The following ARFGEF3 variants were observed in gnomAD, a reference collection of about 807,000 sequenced individuals.
ARFGEF3 encodes brefeldin A-inhibited guanine nucleotide-exchange protein 3.
In ARFGEF3, 96 loss-of-function variants were observed where a neutral mutation model predicts 221.7. The ratio of observed to expected loss-of-function variants is 0.43; its 90% CI spans 0.37 to 0.51. ARFGEF3 has a LOEUF of 0.51. Ranked by LOEUF, ARFGEF3 falls within the 20% of genes least tolerant of loss-of-function variation. The probability of loss-of-function intolerance (pLI) is 0.00; values close to 1 mark genes in which losing one functional copy is unlikely to be tolerated. For synonymous variants in ARFGEF3, 1,145 were observed against 1,126.8 expected, an observed-to-expected ratio of 1.02 and a Z score of -0.32; for missense variants, 2,410 against 2,789.9, an observed-to-expected ratio of 0.86 and a Z score of 3.07.
chr6:138,256,968 A>G (rs1198815220), intron 10 of ARFGEF3, among the ~76,000 whole-genome samples: 2 of 151,952 alleles, frequency 1.3e-5, no homozygotes, highest in East Asian at 3.9e-4. Context: ...TATTTTTTGT[A>G]GAGACGTGTT....
In ARFGEF3 at chr6:138,335,088, GCGCAGGCCC is replaced by G; in HGVS notation, c.6245_6253del (p.Ala2082_Pro2084del). 6.2e-7 allele frequency: 1 copy of G among 1,600,876 alleles called. No homozygotes were observed. Among genetic ancestry groups the G allele is most frequent in the African/African-American group, 1.3e-5 (1 of 74,676 alleles). ...CAAGGGCAAATGCGGCATTCCTTCA[GCGCAGGCCC>G]CGAGCTGCTGCGACAGGACAAGAGG... is the stretch of plus-strand genomic sequence containing the variant. On this transcript the variant is annotated inframe_deletion, in exon 33 of 34. Transcript: ENST00000251691.
intron 12 of ARFGEF3, among the ~76,000 whole-genome samples, chr6:138,272,188 C>A (rs921458349): frequency 7.3e-5 from 9 of 123,590 alleles, no homozygotes; most frequent in African/African-American, 3.3e-4. Flanking sequence ...AAGAGTCTCG[C>A]TCTGTCACCC....
At position 138,299,198 on chromosome 6, in the gene ARFGEF3, T is replaced by TAA. The variant is rs60475752; in HGVS notation, c.3828+438_3828+439dup. Among the ~76,000 whole-genome samples the TAA allele has an allele frequency of 6.0e-3, 237 of 39,404 alleles. 23 individuals carry two copies. Among genetic ancestry groups the TAA allele is most frequent in the African/African-American group, 7.4e-3 (116 of 15,596 alleles). The allele number at this position is 39,404 out of a possible 152,430, so 25.9% of individuals were successfully genotyped here. On this transcript the variant is annotated intron_variant, in intron 22 of 33. Coordinates refer to ENST00000251691, the MANE Select transcript of ARFGEF3 (RefSeq NM_020340.5). ...GCCTGAGTGACAGAGCGAGACTCTG[T>TAA]AAAAAAAAAAAAAAAAAAAAAAAAA...
chr6:138,337,181 T>G lies in ARFGEF3; in HGVS notation c.*695T>G, dbSNP rs1420828441. On this transcript the variant is annotated 3_prime_UTR_variant, in exon 34 of 34. Transcript: ENST00000251691. Reference sequence around the variant, plus strand: ...AAGAAAGTTCTTTCCTAGCAGGGTTTGAAGTCTGTGGCTTATCAGCCTGTG... The same window carrying G: ...AAGAAAGTTCTTTCCTAGCAGGGTTGGAAGTCTGTGGCTTATCAGCCTGTG... The G allele has an allele frequency of 6.5e-6, 1 of 152,698 alleles. No individual in the cohort carries two copies. Among genetic ancestry groups the G allele is most frequent in the Admixed American group, 6.5e-5 (1 of 15,282 alleles). 9.5% of individuals were successfully genotyped at this position (152,698 alleles called of 1,614,324 possible).
At chr6:138,187,600 C>T (rs368577444) in intron 2 of ARFGEF3, among the ~76,000 whole-genome samples, 1 of 152,194 alleles carries the variant, frequency 6.6e-6, no homozygotes, top group Non-Finnish European at 1.5e-5. Flanking sequence ...AGAATGCCAC[C>T]TGGTATGGCC....
intron 2 of ARFGEF3, among the ~76,000 whole-genome samples, chr6:138,198,631 C>T (rs1030551239): frequency 6.6e-5 from 10 of 152,182 alleles, no homozygotes; most frequent in African/African-American, 2.2e-4. Flanking sequence ...AATTAGGAAA[C>T]GGCATGACTA....
chr6:138,246,548 CTTAAAAG>C (rs542850459), intron 8 of ARFGEF3, among the ~76,000 whole-genome samples: 107 of 152,326 alleles, frequency 7.0e-4, no homozygotes, highest in Non-Finnish European at 9.6e-4. Context: ...TGGAATTACT[CTTAAAAG>C]TTGTTGCCAA....
At chr6:138,218,442 A>G (rs1490552949) in intron 4 of ARFGEF3, 1 of 1,475,662 alleles carries the variant, frequency 6.8e-7, no homozygotes, top group East Asian at 2.5e-5. Context: ...TAGAAGAATA[A>G]TTTTGTAAAT....
intron 2 of ARFGEF3, among the ~76,000 whole-genome samples, chr6:138,199,105 G>A (rs9494959): frequency 0.13 from 19,570 of 152,168 alleles, 3,068 homozygotes; most frequent in African/African-American, 0.37. Context: ...AAAAGAGATG[G>A]TCTAAGTCTG....
rs1216589952 is a variant in ARFGEF3 at position 138,209,936 on chromosome 6, A to G, written c.246A>G (p.Val82=). 6.2e-7 allele frequency: 1 copy of G among 1,613,844 alleles called. No homozygotes were observed. The highest frequency in any genetic ancestry group is 8.5e-7 in the Non-Finnish European group (1 of 1,179,788). ...AGCTTCTGTCGGAAGAGAGGTTTGT[A>G]TCCATGGAAACAGATTCTGATGAGA... ...MQKLLSEERF[V]SMETDSDEKQ... Residue 82 remains valine, a synonymous_variant, in exon 4 of 34, where the codon GTA becomes GTG. Coordinates refer to ENST00000251691, the MANE Select transcript of ARFGEF3 (RefSeq NM_020340.5).
intron 2 of ARFGEF3, among the ~76,000 whole-genome samples, chr6:138,179,232 C>T (rs1777015976): frequency 6.6e-6 from 1 of 152,180 alleles, no homozygotes; most frequent in African/African-American, 2.4e-5. Flanking sequence ...CAGTACTGGT[C>T]CAGATGAAAT....
chr6:138,205,560 A>C (rs1777610681), intron 2 of ARFGEF3, among the ~76,000 whole-genome samples: 1 of 152,182 alleles, frequency 6.6e-6, no homozygotes, highest in South Asian at 2.1e-4. Context: ...AATTGGAAAA[A>C]AATCAGCTAT....
intron 24 of ARFGEF3, among the ~76,000 whole-genome samples, chr6:138,310,812 A>G (rs947590626): frequency 6.6e-6 from 1 of 152,266 alleles, no homozygotes; most frequent in Non-Finnish European, 1.5e-5. Context: ...ATGTACAAAA[A>G]ATAGAAAAAT....
rs1407651980 is a variant in ARFGEF3, at chr6:138,289,851, T to C, written c.2930T>C (p.Ile977Thr). The C allele has an allele frequency of 3.1e-6, 5 of 1,613,910 alleles. No individual in the cohort carries two copies. The highest frequency in any genetic ancestry group is 1.1e-5 in the South Asian group (1 of 91,032). The change falls in exon 18 of 34, where the codon ATT becomes ACT. Residue 977 changes from isoleucine to threonine, a missense_variant. Coordinates refer to ENST00000251691, the MANE Select transcript of ARFGEF3 (RefSeq NM_020340.5). ...KLKVEQKLEQ[I>T]GKVQGVWLHT... ...AAAGTGGAGCAGAAACTGGAGCAGA[T>C]TGGGAAGGTGCAGGGGGTGTGGCTG...
intron 10 of ARFGEF3, among the ~76,000 whole-genome samples, chr6:138,260,864 G>A (rs1778779245): frequency 6.6e-6 from 1 of 151,864 alleles, no homozygotes; most frequent in Non-Finnish European, 1.5e-5. Context: ...AATAAAAGAG[G>A]GTATTAAGGC....
At position 138,334,399 on chromosome 6, in the gene ARFGEF3, T is replaced by C. The variant is rs1224196183; in HGVS notation, c.5553T>C (p.Ser1851=). ...LFEDDERSTD[S]SQQCSSEDED... ...AGGACGACGAGAGAAGCACGGATTC[T>C]TCCCAGCAGTGTTCATCTGAGGATG... Residue 1851 remains serine, a synonymous_variant, in exon 33 of 34, where the codon TCT becomes TCC. Transcript: ENST00000251691. The surrounding 1 kb of genome is among the most constrained non-coding windows in gnomAD (Gnocchi z 5.1). 8.7e-6 allele frequency: 14 copies of C among 1,612,762 alleles called. No individual in the cohort carries two copies. The highest frequency in any genetic ancestry group is 1.1e-5 in the Non-Finnish European group (13 of 1,179,528).
At chr6:138,283,410 G>A (rs888842423) in intron 14 of ARFGEF3, among the ~76,000 whole-genome samples, 3 of 152,220 alleles carry the variant, frequency 2.0e-5, no homozygotes, top group Non-Finnish European at 4.4e-5. Flanking sequence ...GGAACAGTAA[G>A]CTCAATTGCT....
At chr6:138,300,002 A>G (rs929156522) in intron 22 of ARFGEF3, among the ~76,000 whole-genome samples, 5 of 152,164 alleles carry the variant, frequency 3.3e-5, no homozygotes, top group African/African-American at 1.2e-4. Flanking sequence ...CTCAGGCTAC[A>G]AAAGAATCCC....
chr6:138,230,363 A>G (rs1474580332), intron 5 of ARFGEF3, among the ~76,000 whole-genome samples: 1 of 152,184 alleles, frequency 6.6e-6, no homozygotes, highest in African/African-American at 2.4e-5. Flanking sequence ...CAGCATGCCC[A>G]AGAATATGTC....
Sources: allele counts gnomAD v4.1 joint callset (sites outside exome capture counted in the v4.1 genomes callset), GRCh38; gene constraint gnomAD v4.1.1; non-coding constraint Gnocchi (gnomAD v3.1); transcripts MANE v1.5; gene names NCBI Gene and HGNC (gene_info 2026-07-23, HGNC 2026-07-21).